Variants in TANC2 observed in about 807,000 individuals in gnomAD.
TANC2 encodes the protein tetratricopeptide repeat, ankyrin repeat and coiled-coil containing 2.
Under a neutral mutation model 210.5 loss-of-function variants are expected in TANC2, and 26 were observed. That is an observed-to-expected ratio of 0.12 (90% CI 0.09 to 0.17). The LOEUF (loss-of-function observed/expected upper bound fraction) is 0.17, where lower values mean the gene tolerates loss of function less well. Ranked by LOEUF, TANC2 falls within the 10% of genes least tolerant of loss-of-function variation. The pLI, the probability that TANC2 is intolerant of heterozygous loss-of-function variation, is 1.00. For missense variants in TANC2, 2,129 were observed against 2,608.9 expected (o/e 0.82, Z 4.01); for synonymous variants, 931 against 967.1 (o/e 0.96, Z 0.69).
chr17:63,210,720 T>C (rs2041860092), intron 7 of TANC2, among the ~76,000 whole-genome samples: 1 of 152,218 alleles, frequency 6.6e-6, no homozygotes, highest in Non-Finnish European at 1.5e-5. Flanking sequence ...ATTGGAATTA[T>C]CTGTTTCTTG....
At chr17:63,153,548 C>T (rs953223257) in intron 5 of TANC2, 2 of 152,128 alleles carry the variant, frequency 1.3e-5, no homozygotes, top group African/African-American at 4.8e-5. Flanking sequence ...CTCAGTAGGT[C>T]TGGAGTGGGT....
intron 5 of TANC2, among the ~76,000 whole-genome samples, chr17:63,171,234 C>T (rs1175422226): frequency 1.3e-5 from 2 of 151,892 alleles, no homozygotes; most frequent in Non-Finnish European, 2.9e-5. Flanking sequence ...AGGCGCACAC[C>T]ACCACACCTG....
intron 1 of TANC2, among the ~76,000 whole-genome samples, chr17:62,974,806 T>C (rs767848524): frequency 1.3e-5 from 2 of 152,214 alleles, no homozygotes; most frequent in Non-Finnish European, 2.9e-5. Flanking sequence ...CAAAGTGTTA[T>C]GAAAAGGCAG....
chr17:63,353,291 G>C (rs1461745078), intron 13 of TANC2, among the ~76,000 whole-genome samples: 1 of 152,134 alleles, frequency 6.6e-6, no homozygotes, highest in Non-Finnish European at 1.5e-5. Context: ...CAAGAGAGAA[G>C]ACTCAAGAAT....
chr17:63,252,352 A>G (rs774742297), intron 8 of TANC2, among the ~76,000 whole-genome samples: 9 of 152,012 alleles, frequency 5.9e-5, no homozygotes, highest in African/African-American at 9.7e-5. Context: ...TCAAGCATTG[A>G]TTATTTTTGT....
chr17:63,100,923 C>T (rs2037596578), intron 4 of TANC2, among the ~76,000 whole-genome samples: 7 of 152,080 alleles, frequency 4.6e-5, no homozygotes, highest in Admixed American at 4.6e-4. Flanking sequence ...TTTAATTTTA[C>T]AGTATTTGAA....
intron 24 of TANC2, chr17:63,413,164 A>T (rs1395390687): frequency 4.8e-6 from 1 of 208,580 alleles, no homozygotes; most frequent in East Asian, 1.1e-4. Context: ...TGAGTCCCAA[A>T]TCCAAAATAA....
intron 6 of TANC2, among the ~76,000 whole-genome samples, chr17:63,198,857 C>T (rs531967636): frequency 6.6e-6 from 1 of 151,866 alleles, no homozygotes; most frequent in Non-Finnish European, 1.5e-5. Context: ...AATTGAAACT[C>T]TCCTCTTCTC....
Position 63,412,259 on chromosome 17 carries a change from A to G in TANC2, c.3898+129A>G. The G allele has an allele frequency of 7.5e-7, 1 of 1,334,878 alleles. No individual in the cohort carries two copies. The highest frequency in any genetic ancestry group is 1.0e-6 in the Non-Finnish European group (1 of 975,946). The allele number at this position is 1,334,878 out of a possible 1,614,324, so 82.7% of individuals were successfully genotyped here. On this transcript the variant is annotated intron_variant, in intron 23 of 27. Coordinates refer to ENST00000689528, the Ensembl canonical transcript of TANC2. The surrounding 1 kb of genome is among the most constrained non-coding windows in gnomAD (Gnocchi z 4.2). ...TCCTCCCTGGCCCAATTATTGTCCA[A>G]GTGAACAGAGAGGCTCTTGGCCCAG...
chr17:63,341,293 C>T (rs1362107397), intron 12 of TANC2, among the ~76,000 whole-genome samples: 2 of 152,222 alleles, frequency 1.3e-5, no homozygotes, highest in Admixed American at 6.5e-5. Flanking sequence ...CTACCTGTTA[C>T]CTTTTTAAAC....
intron 18 of TANC2, among the ~76,000 whole-genome samples, chr17:63,398,202 T>C (rs1002097616): frequency 6.6e-6 from 1 of 152,126 alleles, no homozygotes; most frequent in African/African-American, 2.4e-5. Flanking sequence ...CCCAGCACTT[T>C]GGGAGACCAA....
At chr17:63,359,256 C>T (rs981224326) in intron 14 of TANC2, among the ~76,000 whole-genome samples, 5 of 151,814 alleles carry the variant, frequency 3.3e-5, no homozygotes, top group African/African-American at 1.2e-4. Context: ...AAGAGTCTTA[C>T]TGTGTTCCTG....
intron 7 of TANC2, among the ~76,000 whole-genome samples, chr17:63,214,006 A>C (rs983190305): frequency 2.0e-5 from 3 of 152,220 alleles, no homozygotes; most frequent in Non-Finnish European, 4.4e-5. Context: ...AGGAAAGGAA[A>C]GAGAAAAAAT....
intron 7 of TANC2, among the ~76,000 whole-genome samples, chr17:63,237,090 A>T (rs1200654751): frequency 6.6e-6 from 1 of 152,140 alleles, no homozygotes; most frequent in Admixed American, 6.6e-5. Context: ...TGGTTGTTGT[A>T]ATTTATATTC....
rs1436275818 is a variant in TANC2 at position 62,966,520 on chromosome 17, G to A, written c.-253G>A. Among the ~76,000 whole-genome samples the A allele has an allele frequency of 2.0e-5, 3 of 149,772 alleles. No individual in the cohort carries two copies. The highest frequency in any genetic ancestry group is 7.3e-5 in the African/African-American group (3 of 41,166). Reference sequence around the variant, plus strand: ...CGCCGCCGCCGAGCCGAGCCGAGGGGCGAGAGCTGGCCCCCGAGCCGCCGC... The same window carrying A: ...CGCCGCCGCCGAGCCGAGCCGAGGGACGAGAGCTGGCCCCCGAGCCGCCGC... On this transcript the variant is annotated 5_prime_UTR_variant, in exon 1 of 28. Coordinates refer to ENST00000689528, the Ensembl canonical transcript of TANC2. The surrounding 1 kb of genome is among the most constrained non-coding windows in gnomAD (Gnocchi z 5.1).
At chr17:63,051,472 T>C (rs1407977413) in intron 2 of TANC2, among the ~76,000 whole-genome samples, 2 of 152,198 alleles carry the variant, frequency 1.3e-5, no homozygotes, top group African/African-American at 4.8e-5. Flanking sequence ...TTTATTTATC[T>C]CTGGTATTAT....
At chr17:63,202,013 G>A (rs190613939) in intron 7 of TANC2, among the ~76,000 whole-genome samples, 1 of 152,118 alleles carries the variant, frequency 6.6e-6, no homozygotes, top group East Asian at 1.9e-4. Flanking sequence ...AAATATTAAA[G>A]TATTGTGATT....
chr17:63,224,484 T>G (rs1224334406), intron 7 of TANC2, among the ~76,000 whole-genome samples: 1 of 151,940 alleles, frequency 6.6e-6, no homozygotes, highest in African/African-American at 2.4e-5. Context: ...ACTCCTGACT[T>G]CAGGTGATCC....
intron 3 of TANC2, among the ~76,000 whole-genome samples, chr17:63,077,857 G>A (rs2036626563): frequency 6.6e-6 from 1 of 152,146 alleles, no homozygotes; most frequent in Non-Finnish European, 1.5e-5. Flanking sequence ...CTCTAAAGGA[G>A]GGCAAGTCTG....
Sources: allele counts gnomAD v4.1 joint callset (sites outside exome capture counted in the v4.1 genomes callset), GRCh38; gene constraint gnomAD v4.1.1; non-coding constraint Gnocchi (gnomAD v3.1); transcripts MANE v1.5; gene names NCBI Gene and HGNC (gene_info 2026-07-23, HGNC 2026-07-21).